Variants in ABCD2 observed in about 807,000 individuals in gnomAD.
ABCD2 encodes ATP binding cassette subfamily D member 2.
ABCD2 carries 36 observed loss-of-function variants against 70.9 expected under a neutral mutation model. That is an observed-to-expected ratio of 0.51 (90% confidence interval 0.39 to 0.67). ABCD2 has a LOEUF of 0.67. Among genes scored for constraint, ABCD2 ranks in the 30% least tolerant of loss-of-function variants. The probability of loss-of-function intolerance (pLI) is 0.00; values close to 1 mark genes in which losing one functional copy is unlikely to be tolerated. For synonymous variants in ABCD2, 304 were observed against 306.9 expected (o/e 0.99, Z 0.10); for missense variants, 729 against 890.2 (o/e 0.82, Z 2.30).
At position 39,582,312 on chromosome 12, in the gene ABCD2, T is replaced by G. The variant is rs1407602200; in HGVS notation, c.1793-2693A>C. On this transcript the variant is annotated intron_variant, in intron 7 of 9. Coordinates refer to ENST00000308666, the MANE Select transcript of ABCD2 (RefSeq NM_005164.4). ...TGTCCCACAACTTGCCATGGGACTC[T>G]GAGTAAGTTACTAAATTTCTGAAAT... is the stretch of plus-strand genomic sequence containing the variant. Among the ~76,000 whole-genome samples, 6 of 152,208 alleles carry G rather than the reference T, an allele frequency of 3.9e-5. No homozygotes were observed. The East Asian group carries it at 1.2e-3, about 29-fold the overall frequency.
intron 6 of ABCD2, among the ~76,000 whole-genome samples, chr12:39,589,696 C>T (rs888560759): frequency 1.3e-5 from 2 of 151,902 alleles, no homozygotes; most frequent in African/African-American, 4.8e-5. Flanking sequence ...CCTATCTGAG[C>T]TATTGTTATT....
chr12:39,594,745 G>A (rs1280466911), intron 6 of ABCD2, among the ~76,000 whole-genome samples: 4 of 152,102 alleles, frequency 2.6e-5, no homozygotes, highest in African/African-American at 4.8e-5. Context: ...AGGCCAAGGC[G>A]GGTGGATCAC....
At chr12:39,561,762 A>G (rs1423720963) in intron 9 of ABCD2, among the ~76,000 whole-genome samples, 1 of 150,668 alleles carries the variant, frequency 6.6e-6, no homozygotes, top group Non-Finnish European at 1.5e-5. Context: ...TCAACACCCT[A>G]CTTTCAGCAA....
At chr12:39,596,936 G>A (rs1342400529) in intron 6 of ABCD2, among the ~76,000 whole-genome samples, 2 of 152,000 alleles carry the variant, frequency 1.3e-5, no homozygotes, top group Non-Finnish European at 2.9e-5. Context: ...TAGATTACTT[G>A]TAATACCTAA....
At position 39,553,916 on chromosome 12, in the gene ABCD2, G is replaced by T. The variant is rs746243559; in HGVS notation, c.2219C>A (p.Ser740Tyr). 6.2e-7 allele frequency: 1 copy of T among 1,602,740 alleles called. No homozygotes were observed. ...LKTIKNEDET[S>Y] ...TTTAAAATATGTCAAAACAAATTAA[G>T]ATGTCTCATCTTCATTTTTAATTGT... The change falls in exon 10 of 10, where the codon TCT becomes TAT. Residue 740 changes from serine (S) to tyrosine (Y), a missense_variant. Transcript: ENST00000308666.
At chr12:39,563,284 G>A (rs903366297) in intron 9 of ABCD2, among the ~76,000 whole-genome samples, 14 of 152,096 alleles carry the variant, frequency 9.2e-5, no homozygotes, top group African/African-American at 2.7e-4. Context: ...TTAGTACTTC[G>A]GGAGGCCAAG....
At chr12:39,596,609 T>C (rs1941819120) in intron 6 of ABCD2, among the ~76,000 whole-genome samples, 1 of 152,218 alleles carries the variant, frequency 6.6e-6, no homozygotes. Context: ...CAGAAGTTTA[T>C]ACAAGTTACC....
chr12:39,619,382 A>C lies in ABCD2; in HGVS notation c.234T>G (p.Pro78=). The C allele has an allele frequency of 2.5e-6, 4 of 1,613,544 alleles. No homozygotes were observed. Among genetic ancestry groups the C allele is most frequent in the Non-Finnish European group, 3.4e-6 (4 of 1,179,872 alleles). Residue 78 remains proline (P), a synonymous_variant, in exon 1 of 10, where the codon CCT becomes CCG. Transcript: ENST00000308666. ...CTETICEKPS[P]GVNADFFKQL... Reference sequence around the variant, plus strand: ...GTTTGAAGAAATCTGCATTCACTCCAGGCGAAGGTTTTTCACAAATGGTCT... The same window carrying C: ...GTTTGAAGAAATCTGCATTCACTCCCGGCGAAGGTTTTTCACAAATGGTCT...
At chr12:39,572,931 A>C (rs1941467738) in intron 9 of ABCD2, among the ~76,000 whole-genome samples, 1 of 152,210 alleles carries the variant, frequency 6.6e-6, no homozygotes, top group Non-Finnish European at 1.5e-5. Context: ...TGTAGTATTT[A>C]TGGTTAATGC....
intron 9 of ABCD2, among the ~76,000 whole-genome samples, chr12:39,562,200 A>G (rs1302884830): frequency 1.3e-5 from 2 of 152,158 alleles, no homozygotes; most frequent in African/African-American, 2.4e-5. Context: ...CAATTTAAAC[A>G]GGAAAATTTA....
At position 39,619,511 on chromosome 12, in the gene ABCD2, G is replaced by T; in HGVS notation, c.105C>A (p.Thr35=). Residue 35 remains threonine (T), a synonymous_variant, in exon 1 of 10, where the codon ACC becomes ACA. Transcript: ENST00000308666. ...CLVAAAYALK[T]LYPIIGKRLK... Reference sequence around the variant, plus strand: ...AACGCTTGCCAATGATGGGATAGAGGGTTTTCAGAGCATATGCCGCAGCCA... The same window carrying T: ...AACGCTTGCCAATGATGGGATAGAGTGTTTTCAGAGCATATGCCGCAGCCA... 6.2e-7 allele frequency: 1 copy of T among 1,612,410 alleles called. No homozygotes were observed. The highest frequency in any genetic ancestry group is 8.5e-7 in the Non-Finnish European group (1 of 1,179,978).
At chr12:39,533,236 T>A in the ABCD2 span, among the ~76,000 whole-genome samples, 25 of 152,106 alleles carry the variant, frequency 1.6e-4, no homozygotes, top group African/African-American at 6.0e-4. Context: ...TTTATTCACA[T>A]GGCATATAAG....
chr12:39,561,165 G>T (rs1941252105), intron 9 of ABCD2, among the ~76,000 whole-genome samples: 2 of 151,964 alleles, frequency 1.3e-5, no homozygotes, highest in African/African-American at 4.8e-5. Context: ...GGAGGCTGAG[G>T]TGGGCAGATC....
At chr12:39,597,300 G>C (rs892619467) in intron 6 of ABCD2, among the ~76,000 whole-genome samples, 1 of 151,976 alleles carries the variant, frequency 6.6e-6, no homozygotes, top group African/African-American at 2.4e-5. Context: ...TTATTATTTT[G>C]ATGATTGTTA....
At chr12:39,588,783 AT>A (rs1941702542) in intron 6 of ABCD2, among the ~76,000 whole-genome samples, 1 of 152,118 alleles carries the variant, frequency 6.6e-6, no homozygotes, top group Non-Finnish European at 1.5e-5. Context: ...ATAGTCTGGC[AT>A]TCTTTAAAAA....
intron 5 of ABCD2, among the ~76,000 whole-genome samples, chr12:39,602,619 G>A (rs1427735248): frequency 6.6e-6 from 1 of 152,028 alleles, no homozygotes; most frequent in Admixed American, 6.6e-5. Flanking sequence ...TAATTATGAA[G>A]AAAGTATACT....
chr12:39,604,683 A>G (rs891166034), intron 4 of ABCD2, 79 bp downstream of exon 4: 2 of 1,203,154 alleles, frequency 1.7e-6, no homozygotes, highest in African/African-American at 3.1e-5. Context: ...TGTAACTACT[A>G]AAAGCTACCT....
chr12:39,594,100 A>G (rs1274274110), intron 6 of ABCD2, among the ~76,000 whole-genome samples: 2 of 152,192 alleles, frequency 1.3e-5, no homozygotes, highest in Non-Finnish European at 2.9e-5. Flanking sequence ...ATTAGTACAG[A>G]TCAGCACACC....
chr12:39,600,714 T>A lies in ABCD2; in HGVS notation c.1503A>T (p.Val501=), dbSNP rs753691881. The A allele has an allele frequency of 5.0e-6, 8 of 1,601,394 alleles. No individual in the cohort carries two copies. Among genetic ancestry groups the A allele is most frequent in the Non-Finnish European group, 6.8e-6 (8 of 1,175,842 alleles). The change falls in exon 6 of 10, where the codon GTA becomes GTT. Residue 501 remains valine (V), a splice_region_variant and synonymous_variant. Coordinates refer to ENST00000308666, the MANE Select transcript of ABCD2 (RefSeq NM_005164.4). The stretch of plus-strand genomic sequence containing the variant: ...TTATCAAAAGATGCATTCCTTCTTC[T>A]ACCTAAAGTAAGAAATAAAATTACA... ...EVVASRLNFK[V]EEGMHLLITG... is the part of the protein sequence containing the mutation.
Sources: allele counts gnomAD v4.1 joint callset (sites outside exome capture counted in the v4.1 genomes callset), GRCh38; gene constraint gnomAD v4.1.1; transcripts MANE v1.5; gene names NCBI Gene and HGNC (gene_info 2026-07-23, HGNC 2026-07-21).